Variants in CPNE4 observed in about 807,000 individuals in gnomAD.
CPNE4 encodes the protein copine 4, also known as copine-4.
A neutral mutation model predicts 67.9 loss-of-function variants in CPNE4; 25 were observed. The observed-to-expected ratio is 0.37, with a 90% confidence interval of 0.27 to 0.51. CPNE4 has a LOEUF of 0.51. CPNE4 is among the 20% of genes least tolerant of loss of function. The probability of loss-of-function intolerance (pLI) is 0.93; values close to 1 mark genes in which losing one functional copy is unlikely to be tolerated. For synonymous variants in CPNE4, 242 were observed against 244.9 expected, an observed-to-expected ratio of 0.99 and a Z score of 0.11; for missense variants, 464 against 690.8, an observed-to-expected ratio of 0.67 and a Z score of 3.68.
intron 1 of CPNE4, among the ~76,000 whole-genome samples, chr3:131,947,994 T>C (rs962083108): frequency 6.6e-6 from 1 of 152,236 alleles, no homozygotes; most frequent in Admixed American, 6.5e-5. Context: ...GTTTTCACAA[T>C]ATTAAGTCTT....
chr3:131,986,576 A>G (rs181746461), intron 1 of CPNE4, among the ~76,000 whole-genome samples: 36 of 152,296 alleles, frequency 2.4e-4, no homozygotes, highest in African/African-American at 8.2e-4. Flanking sequence ...CCTAGCATGG[A>G]TCAGAGACAG....
At chr3:131,686,250 A>G (rs1182573787) in intron 5 of CPNE4, among the ~76,000 whole-genome samples, 2 of 152,232 alleles carry the variant, frequency 1.3e-5, no homozygotes, top group Non-Finnish European at 2.9e-5. Flanking sequence ...GTACTTGGTT[A>G]GTTGAAATTC....
At chr3:131,872,226 GGA>G (rs1401672023) in intron 2 of CPNE4, among the ~76,000 whole-genome samples, 1 of 151,742 alleles carries the variant, frequency 6.6e-6, no homozygotes. Context: ...AGAGAAAGAA[GGA>G]GAGAGAGAGA....
chr3:131,593,376 TC>T (rs1938652694), intron 7 of CPNE4, among the ~76,000 whole-genome samples: 1 of 152,220 alleles, frequency 6.6e-6, no homozygotes, highest in South Asian at 2.1e-4. Flanking sequence ...GCCTTTCAAC[TC>T]TTTGGTTAAG....
intron 7 of CPNE4, among the ~76,000 whole-genome samples, chr3:131,600,578 GCA>G (rs1299421683): frequency 1.3e-5 from 2 of 152,098 alleles, no homozygotes; most frequent in African/African-American, 4.8e-5. Flanking sequence ...ATGAGTTTGT[GCA>G]CAGTCATCCG....
In CPNE4 at chr3:131,905,294, G is replaced by C. The variant is rs771611168; in HGVS notation, c.150C>G (p.Leu50=). ...ACCACTGCCCATGAGACTGCATCTT[G>C]AGGATGACACAGGGGTCTGGTTTGG... ...ALSKPDPCVI[L]KMQSHGQWFE... is the part of the protein sequence containing the mutation. Residue 50 remains leucine (L), a synonymous_variant, in exon 2 of 16, where the codon CTC becomes CTG. Coordinates refer to ENST00000429747, the MANE Select transcript of CPNE4 (RefSeq NM_130808.3). 6.8e-6 allele frequency: 11 copies of C among 1,613,424 alleles called. No individual in the cohort carries two copies. In the South Asian group the frequency reaches 1.2e-4, roughly 18 times the overall value.
At chr3:131,656,520 G>A (rs1411095178) in intron 7 of CPNE4, among the ~76,000 whole-genome samples, 6 of 152,018 alleles carry the variant, frequency 3.9e-5, no homozygotes, top group African/African-American at 1.4e-4. Flanking sequence ...TGTAACTATG[G>A]GCTTGTGTAT....
chr3:131,932,974 T>C (rs1042351330), intron 1 of CPNE4, among the ~76,000 whole-genome samples: 4 of 152,098 alleles, frequency 2.6e-5, no homozygotes, highest in African/African-American at 4.8e-5. Context: ...TGAGCCATGA[T>C]TGTGCTCCTG....
chr3:131,630,402 T>A (rs1458891376), intron 7 of CPNE4, among the ~76,000 whole-genome samples: 1 of 152,232 alleles, frequency 6.6e-6, no homozygotes, highest in Admixed American at 6.5e-5. Context: ...ACTCAGGGCC[T>A]CAGTCTGAAC....
At chr3:131,979,161 T>C (rs977546797) in intron 1 of CPNE4, among the ~76,000 whole-genome samples, 2 of 152,156 alleles carry the variant, frequency 1.3e-5, no homozygotes, top group Non-Finnish European at 2.9e-5. Context: ...GAATGTGTAT[T>C]CTGCAGTCGT....
intron 2 of CPNE4, among the ~76,000 whole-genome samples, chr3:131,904,970 T>C (rs1343998752): frequency 6.6e-6 from 1 of 152,098 alleles, no homozygotes; most frequent in Admixed American, 6.6e-5. Context: ...CCTGGTCCTC[T>C]TGCTACCTGT....
intron 2 of CPNE4, among the ~76,000 whole-genome samples, chr3:131,820,562 A>G (rs1026746): frequency 0.13 from 19,858 of 152,234 alleles, 1,728 homozygotes; most frequent in Admixed American, 0.26. Flanking sequence ...TGCAACACAT[A>G]CTATGCAAAT....
chr3:131,801,452 G>GTGTGTGTGTGTATATA (rs761978890), intron 2 of CPNE4, among the ~76,000 whole-genome samples: 2 of 53,352 alleles, frequency 3.7e-5, no homozygotes, highest in African/African-American at 1.6e-4. Flanking sequence ...GTGTGTGTGT[G>GTGTGTGTGTGTATATA]TATATATATA....
chr3:131,756,900 T>C (rs897194228), intron 2 of CPNE4, among the ~76,000 whole-genome samples: 3 of 152,174 alleles, frequency 2.0e-5, no homozygotes, highest in African/African-American at 7.2e-5. Flanking sequence ...TCTCAAGAGA[T>C]CTGATGGGTT....
At chr3:131,699,266 A>T (rs2081237001) in intron 4 of CPNE4, among the ~76,000 whole-genome samples, 1 of 152,238 alleles carries the variant, frequency 6.6e-6, no homozygotes. Flanking sequence ...ACACTGTCCC[A>T]TATGGTAGCT....
chr3:131,914,417 C>T (rs1372202974), intron 1 of CPNE4, among the ~76,000 whole-genome samples: 2 of 152,100 alleles, frequency 1.3e-5, no homozygotes. Flanking sequence ...TCTCTGTCTC[C>T]TCCCCTTCTC....
chr3:131,844,410 G>T (rs1012480648), intron 2 of CPNE4, among the ~76,000 whole-genome samples: 4 of 152,024 alleles, frequency 2.6e-5, no homozygotes, highest in African/African-American at 9.7e-5. Context: ...GGGACTACAG[G>T]CGCCTGCCAC....
At chr3:131,902,191 A>T (rs1200455711) in intron 2 of CPNE4, among the ~76,000 whole-genome samples, 1 of 152,094 alleles carries the variant, frequency 6.6e-6, no homozygotes, top group Non-Finnish European at 1.5e-5. Context: ...GCATGCTAGC[A>T]ATTAAGCTGA....
chr3:131,893,865 A>T (rs564361844), intron 2 of CPNE4, among the ~76,000 whole-genome samples: 1 of 152,070 alleles, frequency 6.6e-6, no homozygotes, highest in East Asian at 1.9e-4. Flanking sequence ...AGGAAGAAAG[A>T]TTTCCGATAA....
Sources: gnomAD v4.1 joint callset for allele counts (sites outside exome capture counted in the v4.1 genomes callset) on GRCh38, gnomAD v4.1.1 for gene constraint, MANE v1.5 for transcripts, NCBI Gene and HGNC (gene_info 2026-07-23, HGNC 2026-07-21) for gene names.